PRG4: variants seen among roughly 807,000 people sequenced by gnomAD.
PRG4 encodes articular superficial zone protein.
PRG4 carries 61 observed loss-of-function variants against 91.2 expected under a neutral mutation model. The observed-to-expected ratio is 0.67, with a 90% CI of 0.54 to 0.83. The LOEUF (loss-of-function observed/expected upper bound fraction) is 0.83, where lower values mean the gene tolerates loss of function less well. Ranked by LOEUF, PRG4 falls within the 40% of genes least tolerant of loss-of-function variation. The pLI, the probability that PRG4 is intolerant of heterozygous loss-of-function variation, is 0.00. For synonymous variants in PRG4, 576 were observed against 614.2 expected (o/e 0.94, Z 0.92); for missense variants, 1,564 against 1,714.2 (o/e 0.91, Z 1.55).
chr1:186,300,419 C>G (rs978037008), intron 3 of PRG4, among the ~76,000 whole-genome samples: 1 of 152,120 alleles, frequency 6.6e-6, no homozygotes, highest in Non-Finnish European at 1.5e-5. Context: ...AGGATGGTGT[C>G]AAAGCTTGTG....
Position 186,308,968 on chromosome 1 carries a change from A to C in PRG4, c.3249A>C (p.Pro1083=), listed in dbSNP as rs376946019. ...CCACCACCAGACCTAACCAAACTCC[A>C]AACTCCAAACTAGTTGAAGTAAATC... ...LQTTTRPNQT[P]NSKLVEVNPK... The change falls in exon 7 of 13, where the codon CCA becomes CCC. Residue 1083 remains proline (P), a synonymous_variant. Coordinates refer to ENST00000445192, the MANE Select transcript of PRG4 (RefSeq NM_005807.6). 1 of 1,607,382 alleles carries C rather than the reference A, an allele frequency of 6.2e-7. No individual in the cohort carries two copies. The highest frequency in any genetic ancestry group is 8.5e-7 in the Non-Finnish European group (1 of 1,176,852).
Position 186,313,486 on chromosome 1 carries a change from T to A in PRG4, c.4118-195T>A. The stretch of plus-strand genomic sequence containing the variant: ...TTACAAAAAGATGGTGAAATGTCAA[T>A]CTTTTGAAACATCAAAAAAGCTGAA... On this transcript the variant is annotated intron_variant, in intron 12 of 12. Transcript: ENST00000445192. The A allele has an allele frequency of 9.4e-6, 5 of 533,870 alleles. No homozygotes were observed. In the South Asian group the frequency reaches 1.2e-4, roughly 13 times the overall value. 33.1% of individuals were successfully genotyped at this position (533,870 alleles called of 1,614,324 possible).
At position 186,300,160 on chromosome 1, in the gene PRG4, A is replaced by G; in HGVS notation, c.146A>G (p.Asn49Ser). 1 of 1,614,152 alleles carries G rather than the reference A, an allele frequency of 6.2e-7. No individual in the cohort carries two copies. Among genetic ancestry groups the G allele is most frequent in the Non-Finnish European group, 8.5e-7 (1 of 1,180,016 alleles). ...GATGCCACCTGCAACTGTGATTATAACTGTCAACACTACATGGAGTGCTGC... is the reference window on the plus strand; with the variant it reads ...GATGCCACCTGCAACTGTGATTATAGCTGTCAACACTACATGGAGTGCTGC... ...SRDATCNCDYNCQHYMECCPD... is the reference protein window; with the variant it reads ...SRDATCNCDYSCQHYMECCPD... The change falls in exon 3 of 13, where the codon AAC becomes AGC. Residue 49 changes from asparagine to serine, a missense_variant. Coordinates refer to ENST00000445192, the MANE Select transcript of PRG4 (RefSeq NM_005807.6).
intron 3 of PRG4, among the ~76,000 whole-genome samples, chr1:186,301,042 C>T (rs1356619931): frequency 6.6e-6 from 1 of 152,128 alleles, no homozygotes; most frequent in Non-Finnish European, 1.5e-5. Context: ...ACATAGTCCA[C>T]ACTGTAAGAT....
chr1:186,302,954 C>T lies in PRG4; in HGVS notation c.320-1154C>T, dbSNP rs116235255. Among the ~76,000 whole-genome samples, 935 of 152,080 alleles carry T rather than the reference C, an allele frequency of 6.1e-3. 14 individuals are homozygous for T. The highest frequency in any genetic ancestry group is 0.022 in the African/African-American group (903 of 41,456). ...AACTCTGAAAAAAAAATGATGAAGG[C>T]GATGCTGGCCAACTTTCTTTACAGA... On this transcript the variant is annotated intron_variant, in intron 4 of 12. Transcript: ENST00000445192.
In PRG4 at chr1:186,300,079, G is replaced by A. The variant is rs1458600029; in HGVS notation, c.77-12G>A. 3.1e-6 allele frequency: 5 copies of A among 1,613,780 alleles called. No individual in the cohort carries two copies. Among genetic ancestry groups the A allele is most frequent in the Non-Finnish European group, 4.2e-6 (5 of 1,179,792 alleles). On this transcript the variant is annotated splice_polypyrimidine_tract_variant and intron_variant, in intron 2 of 12. Coordinates refer to ENST00000445192, the MANE Select transcript of PRG4 (RefSeq NM_005807.6). ...GTTTGGCCATATTTACGCCAGTATTGTATAATTTTAGATTTATCAAGCTGT... is the reference window on the plus strand; with the variant it reads ...GTTTGGCCATATTTACGCCAGTATTATATAATTTTAGATTTATCAAGCTGT...
Position 186,311,052 on chromosome 1 carries a change from T to A in PRG4, c.3518T>A (p.Leu1173Gln), listed in dbSNP as rs1435476875. The A allele has an allele frequency of 4.3e-6, 7 of 1,614,126 alleles. No individual in the cohort carries two copies. The highest frequency in any genetic ancestry group is 5.9e-6 in the Non-Finnish European group (7 of 1,179,982). ...ATTTTAGGTCATTATTTCTGGATGC[T>A]AAGTCCATTCAGTCCACCATCTCCA... The part of the protein sequence containing the change: ...VAFRGHYFWM[L>Q]SPFSPPSPAR... The change falls in exon 9 of 13, where the codon CTA becomes CAA. Residue 1173 changes from leucine (L) to glutamine (Q), a missense_variant. By Grantham distance (113) the Leu-to-Gln change is moderately radical. Coordinates refer to ENST00000445192, the MANE Select transcript of PRG4 (RefSeq NM_005807.6).
At chr1:186,298,578 C>T (rs1411093209) in intron 2 of PRG4, among the ~76,000 whole-genome samples, 1 of 151,836 alleles carries the variant, frequency 6.6e-6, no homozygotes, top group Non-Finnish European at 1.5e-5. Flanking sequence ...GCAACCTCCA[C>T]CTACGGGGTT....
rs1656584196 is a variant in PRG4 at position 186,306,576 on chromosome 1, C to G, written c.857C>G (p.Thr286Ser). Residue 286 changes from threonine to serine, a missense_variant, in exon 7 of 13, where the codon ACT becomes AGT. Physicochemically the swap from Thr to Ser is moderately conservative, Grantham distance 58 (BLOSUM62 1). Around this residue, in one of 3 missense-constraint regions of PRG4, gnomAD observed 437 missense variants for 459.0 expected, o/e 0.95. Transcript: ENST00000445192. ...LTVNKETTVE[T>S]KETTTTNKQT... is the part of the protein sequence containing the mutation. ...GTGAATAAAGAGACAACAGTTGAAA[C>G]TAAAGAAACTACTACAACAAATAAA... 1 of 1,613,232 alleles carries G rather than the reference C, an allele frequency of 6.2e-7. No homozygotes were observed. Among genetic ancestry groups the G allele is most frequent in the African/African-American group, 1.3e-5 (1 of 74,816 alleles).
intron 11 of PRG4, 47 bp from the exon 12 acceptor site, chr1:186,312,722 A>T: frequency 1.3e-6 from 2 of 1,591,246 alleles, no homozygotes; most frequent in Non-Finnish European, 1.7e-6. Context: ...CCAAGATAGT[A>T]CATTGCCTTT....
intron 10 of PRG4, chr1:186,311,946 A>AATT: frequency 1.8e-6 from 1 of 548,642 alleles, no homozygotes; most frequent in Non-Finnish European, 3.2e-6. Context: ...TTTCAATTGA[A>AATT]ATTAAATATA....
At chr1:186,298,689 C>G (rs945171026) in intron 2 of PRG4, among the ~76,000 whole-genome samples, 2 of 151,894 alleles carry the variant, frequency 1.3e-5, no homozygotes, top group African/African-American at 4.8e-5. Context: ...CAGGTTTTCA[C>G]CATGTTGGCC....
intron 3 of PRG4, among the ~76,000 whole-genome samples, chr1:186,300,679 C>T (rs958209766): frequency 6.6e-6 from 1 of 152,082 alleles, no homozygotes; most frequent in Non-Finnish European, 1.5e-5. Flanking sequence ...GATGTTAACA[C>T]GTTTGTAAAT....
In PRG4 at chr1:186,312,794, G is replaced by A; in HGVS notation, c.4017G>A (p.Val1339=). ...GTGTCCTTCATAATGAAGTTAAAGT[G>A]AGTATACTGTGGAGAGGACTTCCAA... The part of the protein sequence containing the change: ...DKGVLHNEVK[V]SILWRGLPNV... The change falls in exon 12 of 13, where the codon GTG becomes GTA. Residue 1339 remains valine, a synonymous_variant. Coordinates refer to ENST00000445192, the MANE Select transcript of PRG4 (RefSeq NM_005807.6). 6.2e-7 allele frequency: 1 copy of A among 1,612,876 alleles called. No individual in the cohort carries two copies. Among genetic ancestry groups the A allele is most frequent in the South Asian group, 1.1e-5 (1 of 91,046 alleles).
intron 4 of PRG4, among the ~76,000 whole-genome samples, chr1:186,303,035 A>G (rs1656321089): frequency 6.6e-6 from 1 of 152,162 alleles, no homozygotes; most frequent in Non-Finnish European, 1.5e-5. Flanking sequence ...CAGAACCTCA[A>G]TACTTCATTT....
At position 186,311,599 on chromosome 1, in the gene PRG4, A is replaced by C. The variant is rs762407968; in HGVS notation, c.3793+3A>C. On this transcript the variant is annotated splice_donor_region_variant and intron_variant, in intron 10 of 12. Coordinates refer to ENST00000445192, the MANE Select transcript of PRG4 (RefSeq NM_005807.6). ...ATCTGTGTATTTTTTCAAGAGAGGT[A>C]TGTGTTACATAATTGACAAGATTAC... 1 of 1,612,988 alleles carries C rather than the reference A, an allele frequency of 6.2e-7. No individual in the cohort carries two copies. The highest frequency in any genetic ancestry group is 1.1e-5 in the South Asian group (1 of 91,034).
intron 3 of PRG4, among the ~76,000 whole-genome samples, chr1:186,301,229 A>G (rs942049539): frequency 1.3e-5 from 2 of 152,188 alleles, no homozygotes; most frequent in Non-Finnish European, 2.9e-5. Context: ...ATCTATTACA[A>G]AGCAGTGTGT....
At position 186,311,126 on chromosome 1, in the gene PRG4, G is replaced by A. The variant is rs1260692209; in HGVS notation, c.3592G>A (p.Val1198Ile). The A allele has an allele frequency of 6.2e-7, 1 of 1,613,460 alleles. No homozygotes were observed. The highest frequency in any genetic ancestry group is 1.3e-5 in the African/African-American group (1 of 74,998). Residue 1198 changes from valine (V) to isoleucine (I), a missense_variant, in exon 9 of 13, where the codon GTT (valine) becomes ATT (isoleucine). This residue lies in a region of PRG4 where 1,079 missense variants were observed against 1,162.2 expected (regional missense o/e 0.93). Coordinates refer to ENST00000445192, the MANE Select transcript of PRG4 (RefSeq NM_005807.6). ...VWGIPSPIDTVFTRCNCEGKT... is the reference protein window; with the variant it reads ...VWGIPSPIDTIFTRCNCEGKT... ...GGGTATTCCTTCCCCCATTGATACT[G>A]TTTTTACTAGGTGCAACTGTGAAGG...
Position 186,300,197 on chromosome 1 carries a change from G to T in PRG4, c.183G>T (p.Lys61Asn). The T allele has an allele frequency of 6.2e-7, 1 of 1,614,124 alleles. No homozygotes were observed. The highest frequency in any genetic ancestry group is 8.5e-7 in the Non-Finnish European group (1 of 1,180,030). ...ACATGGAGTGCTGCCCTGATTTCAA[G>T]AGAGTCTGCACTGCGGGTAAGTCCT... ...QHYMECCPDF[K>N]RVCTAELSCK... is the part of the protein sequence containing the mutation. The change falls in exon 3 of 13, where the codon AAG (lysine) becomes AAT (asparagine). Residue 61 changes from lysine to asparagine, a missense_variant. By Grantham distance (94) the Lys-to-Asn change is moderately conservative. This residue lies in a region of PRG4 where 437 missense variants were observed against 459.0 expected (regional missense o/e 0.95). Coordinates refer to ENST00000445192, the MANE Select transcript of PRG4 (RefSeq NM_005807.6).
Sources: allele counts gnomAD v4.1 joint callset (sites outside exome capture counted in the v4.1 genomes callset), GRCh38; gene constraint gnomAD v4.1.1; regional missense constraint gnomAD v4.1.1; transcripts MANE v1.5; gene names NCBI Gene and HGNC (gene_info 2026-07-23, HGNC 2026-07-21).